Variants in FOXP1 observed in about 807,000 individuals in gnomAD.
FOXP1 encodes the protein forkhead box protein P1.
In FOXP1, 15 loss-of-function variants were observed where a neutral mutation model predicts 98.2. That is an observed-to-expected ratio of 0.15 (90% confidence interval 0.10 to 0.24). The LOEUF is 0.24. FOXP1 is among the 10% of genes least tolerant of loss of function. The probability of loss-of-function intolerance (pLI) is 1.00; values close to 1 mark genes in which losing one functional copy is unlikely to be tolerated. For missense variants in FOXP1, 633 were observed against 848.5 expected (o/e 0.75, Z 3.15); for synonymous variants, 371 against 314.5 (o/e 1.18, Z -1.90).
intron 2 of FOXP1, among the ~76,000 whole-genome samples, chr3:71,564,414 C>G (rs953955844): frequency 1.3e-5 from 2 of 152,230 alleles, no homozygotes; most frequent in African/African-American, 2.4e-5. Context: ...ATCCACCGAA[C>G]AAATTGATGA....
chr3:71,514,902 T>A (rs1204302747), intron 2 of FOXP1, among the ~76,000 whole-genome samples: 23 of 152,140 alleles, frequency 1.5e-4, no homozygotes, highest in Non-Finnish European at 4.4e-5. Context: ...ACTAACAAGA[T>A]ACCCAGCCCT....
intron 2 of FOXP1, among the ~76,000 whole-genome samples, chr3:71,533,951 G>A (rs747453574): frequency 1.4e-4 from 21 of 152,238 alleles, no homozygotes; most frequent in Middle Eastern, 6.8e-3. Flanking sequence ...AAGCCCAATT[G>A]TTCAAAAAAG....
At chr3:70,973,532 T>C (rs2036801548) in intron 17 of FOXP1, among the ~76,000 whole-genome samples, 1 of 152,202 alleles carries the variant, frequency 6.6e-6, no homozygotes, top group Non-Finnish European at 1.5e-5. Flanking sequence ...GAGCTTTTAA[T>C]ATCTCATCTT....
intron 2 of FOXP1, among the ~76,000 whole-genome samples, chr3:71,520,606 G>A (rs950638470): frequency 2.0e-5 from 3 of 152,190 alleles, no homozygotes; most frequent in African/African-American, 7.2e-5. Flanking sequence ...ATGTCAGCGT[G>A]AGACTGCCCT....
intron 2 of FOXP1, among the ~76,000 whole-genome samples, chr3:71,516,864 A>C (rs1220432298): frequency 1.3e-5 from 2 of 152,098 alleles, no homozygotes; most frequent in Non-Finnish European, 2.9e-5. Flanking sequence ...AAAGAAAAGA[A>C]AAGACTCATT....
Position 70,990,177 on chromosome 3 carries a change from C to A in FOXP1, c.1063-2100G>T, listed in dbSNP as rs955110. On this transcript the variant is annotated intron_variant, in intron 13 of 20. Transcript: ENST00000649528. ...GTTACACAAAAAGGCAAAAATCTAA[C>A]TTTTTGGTTTTGTTTGGTTAGTGAA... Among the ~76,000 whole-genome samples the A allele has an allele frequency of 2.7e-3, 407 of 152,268 alleles. 1 individual carries two copies. Among genetic ancestry groups the A allele is most frequent in the Non-Finnish European group, 4.6e-3 (310 of 68,010 alleles).
chr3:71,563,161 A>T (rs2046663473), intron 2 of FOXP1, among the ~76,000 whole-genome samples: 1 of 152,158 alleles, frequency 6.6e-6, no homozygotes, highest in African/African-American at 2.4e-5. Flanking sequence ...AGCTGAAGGA[A>T]AAGGAACAAC....
intron 4 of FOXP1, among the ~76,000 whole-genome samples, chr3:71,316,613 G>C (rs1476718397): frequency 6.6e-6 from 1 of 151,896 alleles, no homozygotes; most frequent in Non-Finnish European, 1.5e-5. Flanking sequence ...CCCGGATGTA[G>C]GCCTGTACAA....
At chr3:71,005,327 A>C (rs1302455861) in intron 12 of FOXP1, among the ~76,000 whole-genome samples, 4 of 148,884 alleles carry the variant, frequency 2.7e-5, no homozygotes, top group African/African-American at 9.8e-5. Flanking sequence ...AAAAAAAAAA[A>C]AAAAAAAAAA....
intron 3 of FOXP1, among the ~76,000 whole-genome samples, chr3:71,385,061 G>A (rs908583953): frequency 6.6e-6 from 1 of 151,768 alleles, no homozygotes; most frequent in African/African-American, 2.4e-5. Context: ...TGAAGTGTGT[G>A]CTGTTAACCT....
chr3:71,089,855 G>C (rs1215048911), intron 7 of FOXP1, among the ~76,000 whole-genome samples: 1 of 152,230 alleles, frequency 6.6e-6, no homozygotes, highest in Non-Finnish European at 1.5e-5. Flanking sequence ...CCACTTAGAA[G>C]AGGGATAGAC....
intron 2 of FOXP1, chr3:71,571,162 G>A (rs1317780823): frequency 6.6e-6 from 1 of 152,152 alleles, no homozygotes; most frequent in Non-Finnish European, 1.5e-5. Flanking sequence ...ACGCTTTGTT[G>A]ACAAGGAAGG....
At chr3:71,052,014 G>A (rs1190592803) in intron 9 of FOXP1, among the ~76,000 whole-genome samples, 1 of 152,144 alleles carries the variant, frequency 6.6e-6, no homozygotes. Flanking sequence ...CATGCCTTTA[G>A]CAATTACATT....
chr3:70,958,128 T>A lies in FOXP1; in HGVS notation c.*1119A>T, dbSNP rs1339991126. On this transcript the variant is annotated 3_prime_UTR_variant, in exon 21 of 21. Coordinates refer to ENST00000649528, the MANE Select transcript of FOXP1 (RefSeq NM_001349338.3). ...CAGTCTAATTAATATGAGCTTTTTT[T>A]TTTTTTTCAGTGCTGCCTATGTTTC... The A allele has an allele frequency of 9.3e-6, 3 of 323,176 alleles. No individual in the cohort carries two copies. The East Asian group carries it at 1.5e-4, about 16-fold the overall frequency. 20.0% of individuals were successfully genotyped at this position (323,176 alleles called of 1,614,324 possible).
rs2078976273 is a variant in FOXP1 at position 71,367,078 on chromosome 3, CAA to C, written c.-167-7836_-167-7835del. Among the ~76,000 whole-genome samples the C allele has an allele frequency of 2.0e-5, 3 of 152,258 alleles. No homozygotes were observed. In the East Asian group the frequency reaches 5.8e-4, roughly 29 times the overall value. The stretch of plus-strand genomic sequence containing the variant: ...TTAAAAACAAAATACATCTTGATCA[CAA>C]AGTTTGGCATTTCATAAATATTTAC... On this transcript the variant is annotated intron_variant, in intron 3 of 20. Transcript: ENST00000649528.
At chr3:71,413,774 G>A (rs1222853530) in intron 3 of FOXP1, among the ~76,000 whole-genome samples, 1 of 151,968 alleles carries the variant, frequency 6.6e-6, no homozygotes, top group Non-Finnish European at 1.5e-5. Flanking sequence ...GGGTGTGTGT[G>A]CTTACATACC....
intron 6 of FOXP1, among the ~76,000 whole-genome samples, chr3:71,180,532 G>C (rs544696597): frequency 2.0e-5 from 3 of 152,278 alleles, no homozygotes; most frequent in South Asian, 2.1e-4. Context: ...CTGGCTGGCA[G>C]TGTCCTTCCT....
chr3:71,462,941 C>T (rs2108547500), intron 3 of FOXP1, among the ~76,000 whole-genome samples: 1 of 152,324 alleles, frequency 6.6e-6, no homozygotes, highest in African/African-American at 2.4e-5. Flanking sequence ...AAAACCACCT[C>T]CTACGCCCCA....
At chr3:71,501,944 G>T (rs573696984) in intron 2 of FOXP1, among the ~76,000 whole-genome samples, 2 of 152,274 alleles carry the variant, frequency 1.3e-5, no homozygotes, top group Admixed American at 1.3e-4. Flanking sequence ...GCAAGGCAGG[G>T]TCTGGGATTT....
Sources: allele counts gnomAD v4.1 joint callset (sites outside exome capture counted in the v4.1 genomes callset), GRCh38; gene constraint gnomAD v4.1.1; transcripts MANE v1.5; gene names NCBI Gene and HGNC (gene_info 2026-07-23, HGNC 2026-07-21).